Variants in ALX1 observed in about 807,000 individuals in gnomAD.
The protein encoded by ALX1 is ALX homeobox protein 1.
Under a neutral mutation model 31.7 loss-of-function variants are expected in ALX1, and 19 were observed. That is an observed-to-expected ratio of 0.60 (90% CI 0.42 to 0.88). The LOEUF is 0.88. ALX1 is among the 40% of genes least tolerant of loss of function. ALX1 has a pLI of 0.00. For missense variants in ALX1, 415 were observed against 407.8 expected (o/e 1.02, Z -0.15); for synonymous variants, 153 against 148.8 (o/e 1.03, Z -0.20).
intron 3 of ALX1, among the ~76,000 whole-genome samples, chr12:85,300,815 TAA>T (rs1278216956): frequency 1.3e-5 from 2 of 152,234 alleles, no homozygotes; most frequent in South Asian, 2.1e-4. Context: ...AACCAGATTT[TAA>T]ACTACTTTTC....
intron 3 of ALX1, among the ~76,000 whole-genome samples, chr12:85,287,997 G>T (rs1313131216): frequency 6.6e-6 from 1 of 151,334 alleles, no homozygotes; most frequent in East Asian, 1.9e-4. Flanking sequence ...CTTTAATGTT[G>T]TTCTTTCCTT....
intron 3 of ALX1, among the ~76,000 whole-genome samples, chr12:85,297,513 T>G (rs1338547277): frequency 6.6e-6 from 1 of 151,526 alleles, no homozygotes; most frequent in Non-Finnish European, 1.5e-5. Context: ...ATGGAAGCCA[T>G]AGGTAGAGGT....
chr12:85,294,156 T>C (rs550904057), intron 3 of ALX1, among the ~76,000 whole-genome samples: 1 of 151,314 alleles, frequency 6.6e-6, no homozygotes, highest in Admixed American at 6.6e-5. Flanking sequence ...TTAAAATATT[T>C]GTGTATTTTA....
At chr12:85,299,663 T>C (rs1394551419) in intron 3 of ALX1, among the ~76,000 whole-genome samples, 4 of 151,832 alleles carry the variant, frequency 2.6e-5, no homozygotes, top group Non-Finnish European at 5.9e-5. Context: ...GGTTTTTCTC[T>C]TACGTTTTGA....
chr12:85,281,318 T>A (rs916004659), intron 1 of ALX1, among the ~76,000 whole-genome samples: 12 of 152,208 alleles, frequency 7.9e-5, no homozygotes, highest in Non-Finnish European at 1.5e-4. Flanking sequence ...AAACAAACCA[T>A]CTATCTTTTC....
chr12:85,282,382 G>C (rs1050786659), intron 1 of ALX1, among the ~76,000 whole-genome samples: 22 of 151,944 alleles, frequency 1.4e-4, no homozygotes, highest in African/African-American at 4.1e-4. Context: ...TTTTTATTAT[G>C]AGAACATTTT....
Position 85,301,543 on chromosome 12 carries a change from A to C in ALX1, c.*68A>C. ...CATTCTTATTTCTCATATTTAAAGG[A>C]TACCACAATAAGCTGCTGTGTGTGG... On this transcript the variant is annotated 3_prime_UTR_variant, in exon 4 of 4. Coordinates refer to ENST00000316824, the MANE Select transcript of ALX1 (RefSeq NM_006982.3). 6.6e-7 allele frequency: 1 copy of C among 1,513,682 alleles called. No individual in the cohort carries two copies. The highest frequency in any genetic ancestry group is 9.1e-7 in the Non-Finnish European group (1 of 1,102,324). 93.8% of individuals were successfully genotyped at this position (1,513,682 alleles called of 1,614,324 possible).
chr12:85,295,373 T>G (rs917228396), intron 3 of ALX1, among the ~76,000 whole-genome samples: 2 of 151,568 alleles, frequency 1.3e-5, no homozygotes, highest in South Asian at 2.1e-4. Context: ...AATATACTAG[T>G]GAATTTCATA....
At chr12:85,285,214 C>T (rs981658371) in intron 2 of ALX1, among the ~76,000 whole-genome samples, 1 of 152,020 alleles carries the variant, frequency 6.6e-6, no homozygotes, top group African/African-American at 2.4e-5. Context: ...TTAACATTCA[C>T]CAAGTCTTGA....
intron 3 of ALX1, among the ~76,000 whole-genome samples, chr12:85,289,494 T>C (rs967984399): frequency 6.6e-6 from 1 of 151,158 alleles, no homozygotes; most frequent in Non-Finnish European, 1.5e-5. Context: ...ATTTAAAAAA[T>C]TTCCCCCCAC....
chr12:85,300,942 A>G (rs1896956666), intron 3 of ALX1, among the ~76,000 whole-genome samples: 1 of 152,106 alleles, frequency 6.6e-6, no homozygotes, highest in Admixed American at 6.6e-5. Flanking sequence ...TTATGTGGCC[A>G]AGAATGTGAG....
chr12:85,284,629 T>A (rs1000341600), intron 2 of ALX1, among the ~76,000 whole-genome samples: 1 of 152,304 alleles, frequency 6.6e-6, no homozygotes, highest in South Asian at 2.1e-4. Context: ...GCTTAATTTT[T>A]AAAAATAATT....
At chr12:85,280,510 G>C (rs772806072) in intron 1 of ALX1, 23 bp downstream of exon 1, 2 of 1,605,478 alleles carry the variant, frequency 1.2e-6, no homozygotes, top group East Asian at 4.5e-5. Context: ...CGCCCCAGCC[G>C]GAGCCGCCGC....
At chr12:85,282,603 A>T (rs1189342879) in intron 1 of ALX1, among the ~76,000 whole-genome samples, 1 of 152,204 alleles carries the variant, frequency 6.6e-6, no homozygotes, top group African/African-American at 2.4e-5. Context: ...TTTACTTTTT[A>T]AAAAGTGCTT....
intron 3 of ALX1, among the ~76,000 whole-genome samples, chr12:85,291,687 A>T (rs1896820446): frequency 6.6e-6 from 1 of 151,046 alleles, no homozygotes; most frequent in South Asian, 2.1e-4. Flanking sequence ...TTTATTTGTA[A>T]AATGGAAGTA....
At chr12:85,295,082 T>C (rs1896869729) in intron 3 of ALX1, among the ~76,000 whole-genome samples, 1 of 151,408 alleles carries the variant, frequency 6.6e-6, no homozygotes, top group South Asian at 2.1e-4. Context: ...ACTTTTACCT[T>C]AGGCAGTACC....
At chr12:85,299,699 G>A (rs760220688) in intron 3 of ALX1, among the ~76,000 whole-genome samples, 3 of 151,798 alleles carry the variant, frequency 2.0e-5, no homozygotes, top group Non-Finnish European at 2.9e-5. Context: ...CCTTTCTTGA[G>A]TGACAGAGTA....
In ALX1 at chr12:85,301,380, G is replaced by C. The variant is rs1896964205; in HGVS notation, c.886G>C (p.Glu296Gln). Residue 296 changes from glutamate (E) to glutamine (Q), a missense_variant, in exon 4 of 4, where the codon GAA (glutamate) becomes CAA (glutamine). Coordinates refer to ENST00000316824, the MANE Select transcript of ALX1 (RefSeq NM_006982.3). ...LTGATNGHAF[E>Q]TKPEFERRSS... The stretch of plus-strand genomic sequence containing the variant: ...TGGGGCAACCAATGGACATGCATTT[G>C]AAACAAAGCCAGAGTTTGAAAGGAG... 4 of 1,613,982 alleles carry C rather than the reference G, an allele frequency of 2.5e-6. 1 individual carries two copies. In the South Asian group the frequency reaches 4.4e-5, roughly 18 times the overall value.
At chr12:85,296,829 G>A (rs926352068) in intron 3 of ALX1, among the ~76,000 whole-genome samples, 6 of 151,506 alleles carry the variant, frequency 4.0e-5, no homozygotes, top group Admixed American at 1.3e-4. Context: ...CGAAAACACC[G>A]TAAAATTATA....
Sources: allele counts gnomAD v4.1 joint callset (sites outside exome capture counted in the v4.1 genomes callset), GRCh38; gene constraint gnomAD v4.1.1; transcripts MANE v1.5; gene names NCBI Gene and HGNC (gene_info 2026-07-23, HGNC 2026-07-21).